Variants in CACNA1B observed in about 807,000 individuals in gnomAD.
The protein encoded by CACNA1B is calcium voltage-gated channel subunit alpha1 B.
Under a neutral mutation model 247.2 loss-of-function variants are expected in CACNA1B, and 70 were observed. The observed-to-expected ratio is 0.28, with a 90% CI of 0.23 to 0.35. The LOEUF is 0.35. CACNA1B is among the 10% of genes least tolerant of loss of function. The probability of loss-of-function intolerance (pLI) is 1.00; values close to 1 mark genes in which losing one functional copy is unlikely to be tolerated. For synonymous variants in CACNA1B, 1,231 were observed against 1,294.4 expected, an observed-to-expected ratio of 0.95 and a Z score of 1.05; for missense variants, 2,367 against 3,197.4, an observed-to-expected ratio of 0.74 and a Z score of 6.26.
At position 137,986,291 on chromosome 9, in the gene CACNA1B, A is replaced by G; in HGVS notation, c.1770-122A>G. ...AACTCCAGAGAAAAGCTCTAACTTC[A>G]CACCTAGGTGTGCAGCCCTCAGGGT... On this transcript the variant is annotated intron_variant, in intron 13 of 46. Coordinates refer to ENST00000371372, the MANE Select transcript of CACNA1B (RefSeq NM_000718.4). The surrounding 1 kb of genome is among the most constrained non-coding windows in gnomAD (Gnocchi z 6.0). 5.6e-6 allele frequency: 6 copies of G among 1,064,846 alleles called. 1 individual carries two copies. The South Asian group carries it at 9.3e-5, about 17-fold the overall frequency. The allele number at this position is 1,064,846 out of a possible 1,614,324, so 66.0% of individuals were successfully genotyped here.
intron 3 of CACNA1B, among the ~76,000 whole-genome samples, chr9:137,909,959 C>T (rs1564885191): frequency 1.3e-5 from 2 of 152,108 alleles, no homozygotes; most frequent in Admixed American, 1.3e-4. Context: ...TTAGTAGAGA[C>T]AGCATTTCAC....
chr9:138,044,175 G>A (rs969933498), intron 21 of CACNA1B, among the ~76,000 whole-genome samples: 8 of 152,208 alleles, frequency 5.3e-5, no homozygotes, highest in Non-Finnish European at 1.2e-4. Flanking sequence ...ACACAGGGAC[G>A]CCGTCTGCCC....
At chr9:137,960,015 A>G (rs1957992478) in intron 10 of CACNA1B, among the ~76,000 whole-genome samples, 1 of 151,936 alleles carries the variant, frequency 6.6e-6, no homozygotes, top group Non-Finnish European at 1.5e-5. Flanking sequence ...GCCTTTGAGT[A>G]AAAGAGTTGC....
chr9:137,891,614 C>T lies in CACNA1B; in HGVS notation c.530+8731C>T, dbSNP rs1267676976. On this transcript the variant is annotated intron_variant, in intron 3 of 46. Transcript: ENST00000371372. The surrounding 1 kb of genome is among the most constrained non-coding windows in gnomAD (Gnocchi z 4.3). ...TGTGGGCACGTGGTGGTGGACACCC[C>T]TTCCTGCTCTCCTTCTCCTCCTTCA... 4.9e-6 allele frequency: 1 copy of T among 205,592 alleles called. No individual in the cohort carries two copies. Among genetic ancestry groups the T allele is most frequent in the Non-Finnish European group, 9.8e-6 (1 of 101,894 alleles). 12.7% of individuals were successfully genotyped at this position (205,592 alleles called of 1,614,324 possible).
intron 16 of CACNA1B, among the ~76,000 whole-genome samples, chr9:138,009,146 C>T (rs990531319): frequency 6.6e-6 from 1 of 152,222 alleles, no homozygotes; most frequent in African/African-American, 2.4e-5. Context: ...GGACCTGGTC[C>T]CGCGAGCTTT....
At chr9:138,114,866 G>A (rs1177982945) in intron 41 of CACNA1B, among the ~76,000 whole-genome samples, 1 of 152,180 alleles carries the variant, frequency 6.6e-6, no homozygotes, top group Non-Finnish European at 1.5e-5. Context: ...AGAGAGCAAA[G>A]AAATTCAGAT....
chr9:138,024,711 C>T (rs1958899059), intron 19 of CACNA1B, among the ~76,000 whole-genome samples: 1 of 152,186 alleles, frequency 6.6e-6, no homozygotes, highest in Non-Finnish European at 1.5e-5. Flanking sequence ...TCACTGCAGC[C>T]TCAACTTCCC....
chr9:138,113,297 G>A lies in CACNA1B; in HGVS notation c.5536+792G>A, dbSNP rs151014508. Among the ~76,000 whole-genome samples the A allele has an allele frequency of 2.3e-3, 335 of 148,604 alleles. 2 individuals carry two copies. Among genetic ancestry groups the A allele is most frequent in the African/African-American group, 7.9e-3 (316 of 40,028 alleles). ...TGGGATACATGAGGGAGCACAATGA[G>A]GTGCCCAACTCCATCTTGTGGGAGA... On this transcript the variant is annotated intron_variant, in intron 40 of 46. Transcript: ENST00000371372.
chr9:138,107,382 G>A (rs2131356350), intron 39 of CACNA1B, among the ~76,000 whole-genome samples: 1 of 152,016 alleles, frequency 6.6e-6, no homozygotes, highest in East Asian at 1.9e-4. Context: ...AAAGTGCTGG[G>A]ATTGCAGGCA....
intron 1 of CACNA1B, among the ~76,000 whole-genome samples, chr9:137,878,711 G>A (rs887849185): frequency 2.0e-5 from 3 of 152,166 alleles, no homozygotes; most frequent in African/African-American, 7.2e-5. Flanking sequence ...CCTGCGCGGG[G>A]TCTCCCTCCA....
intron 36 of CACNA1B, among the ~76,000 whole-genome samples, chr9:138,086,008 C>T (rs1315038098): frequency 6.6e-6 from 1 of 151,010 alleles, no homozygotes; most frequent in Non-Finnish European, 1.5e-5. Flanking sequence ...AGAAAATAAT[C>T]AAACCTTACT....
rs1957929574 is a variant in CACNA1B, at chr9:137,954,962, C to T, written c.1071-736C>T. Reference sequence around the variant, plus strand: ...GGCACTGTGAGCCTTAAAGCTTGGCCAGGAGGCTGGGGCTGGGCTGGGGAT... The same window carrying T: ...GGCACTGTGAGCCTTAAAGCTTGGCTAGGAGGCTGGGGCTGGGCTGGGGAT... On this transcript the variant is annotated intron_variant, in intron 7 of 46. Transcript: ENST00000371372. The surrounding 1 kb of genome is among the most constrained non-coding windows in gnomAD (Gnocchi z 4.1). Among the ~76,000 whole-genome samples, 1 of 151,232 alleles carries T rather than the reference C, an allele frequency of 6.6e-6. No homozygotes were observed. Among genetic ancestry groups the T allele is most frequent in the Admixed American group, 6.6e-5 (1 of 15,190 alleles).
intron 36 of CACNA1B, among the ~76,000 whole-genome samples, chr9:138,086,690 A>G (rs764627607): frequency 1.3e-5 from 2 of 151,412 alleles, no homozygotes; most frequent in Non-Finnish European, 2.9e-5. Context: ...AAAGAGAGAT[A>G]GATTCCAGCA....
rs1959605352 is a variant in CACNA1B at position 138,058,712 on chromosome 9, C to T, written c.4452C>T (p.Asn1484=). ...TCATCATGGCCATGATAGCCCTCAACACTGTGGTGCTGATGATGAAGGTGT... is the reference window on the plus strand; with the variant it reads ...TCATCATGGCCATGATAGCCCTCAATACTGTGGTGCTGATGATGAAGGTGT... ...EYFIMAMIAL[N]TVVLMMKFYD... Residue 1484 remains asparagine (N), a synonymous_variant, in exon 29 of 47, where the codon AAC becomes AAT. Coordinates refer to ENST00000371372, the MANE Select transcript of CACNA1B (RefSeq NM_000718.4). This position sits in a 1 kb window ranked among gnomAD's most constrained non-coding sequence, Gnocchi z 4.7. 6.2e-7 allele frequency: 1 copy of T among 1,608,398 alleles called. No individual in the cohort carries two copies. The highest frequency in any genetic ancestry group is 1.3e-5 in the African/African-American group (1 of 74,958).
At chr9:138,097,270 G>A (rs754216910) in intron 37 of CACNA1B, among the ~76,000 whole-genome samples, 25 of 152,272 alleles carry the variant, frequency 1.6e-4, no homozygotes, top group Middle Eastern at 3.4e-3. Context: ...AAGGCGAGGG[G>A]TGGTGCCTTT....
chr9:137,999,418 A>G (rs2133400015), intron 15 of CACNA1B, among the ~76,000 whole-genome samples: 1 of 152,254 alleles, frequency 6.6e-6, no homozygotes, highest in South Asian at 2.1e-4. Flanking sequence ...TTAGAACTGA[A>G]CAGTATCAAC....
chr9:138,035,523 A>G (rs1959031961), intron 20 of CACNA1B, among the ~76,000 whole-genome samples: 1 of 152,114 alleles, frequency 6.6e-6, no homozygotes, highest in Admixed American at 6.5e-5. Context: ...GTTTCTTATT[A>G]TTTTTTAAGT....
chr9:138,047,529 G>A (rs1959194500), intron 23 of CACNA1B, 71 bp downstream of exon 23: 2 of 1,100,956 alleles, frequency 1.8e-6, no homozygotes, highest in Admixed American at 3.5e-5. Context: ...ATGGGACCAG[G>A]GCAGTGGTTG....
At chr9:137,981,488 T>G (rs1361693976) in intron 12 of CACNA1B, among the ~76,000 whole-genome samples, 12 of 152,222 alleles carry the variant, frequency 7.9e-5, no homozygotes. Context: ...TTTCTACCTT[T>G]TTTTGTGTGT....
Sources: allele counts gnomAD v4.1 joint callset (sites outside exome capture counted in the v4.1 genomes callset), GRCh38; gene constraint gnomAD v4.1.1; non-coding constraint Gnocchi (gnomAD v3.1); transcripts MANE v1.5; gene names NCBI Gene and HGNC (gene_info 2026-07-23, HGNC 2026-07-21).